The following PDZRN4 variants were observed in gnomAD, a reference collection of about 807,000 sequenced individuals.
The protein encoded by PDZRN4 is PDZ domain-containing RING finger protein 4.
Under a neutral mutation model 99.0 loss-of-function variants are expected in PDZRN4, and 70 were observed. That is an observed-to-expected ratio of 0.71 (90% confidence interval 0.58 to 0.86). The LOEUF (loss-of-function observed/expected upper bound fraction) is 0.86, where lower values mean the gene tolerates loss of function less well. PDZRN4 is among the 40% of genes least tolerant of loss of function. The pLI is 0.00. For missense variants in PDZRN4, 1,474 were observed against 1,331.2 expected (o/e 1.11, Z -1.67); for synonymous variants, 551 against 501.6 (o/e 1.10, Z -1.32).
At chr12:41,457,893 G>A (rs1952830026) in intron 3 of PDZRN4, among the ~76,000 whole-genome samples, 1 of 152,184 alleles carries the variant, frequency 6.6e-6, no homozygotes, top group Non-Finnish European at 1.5e-5. Context: ...CCAGAGGTGT[G>A]TAAGACAGGA....
intron 5 of PDZRN4, among the ~76,000 whole-genome samples, chr12:41,530,925 G>C (rs1002879754): frequency 5.3e-5 from 8 of 152,076 alleles, no homozygotes; most frequent in African/African-American, 1.9e-4. Flanking sequence ...GTGCCCTGCT[G>C]CTCAAACCCC....
At chr12:41,307,993 C>G (rs942090034) in intron 3 of PDZRN4, among the ~76,000 whole-genome samples, 7 of 151,958 alleles carry the variant, frequency 4.6e-5, no homozygotes, top group Admixed American at 6.6e-5. Flanking sequence ...TTCTCAAGTA[C>G]CTGCAGTTAT....
At chr12:41,265,416 A>G (rs557658182) in intron 3 of PDZRN4, among the ~76,000 whole-genome samples, 58 of 152,340 alleles carry the variant, frequency 3.8e-4, no homozygotes, top group Non-Finnish European at 6.5e-4. Context: ...AAGAATTAAT[A>G]TGTTGTGGAT....
At chr12:41,483,838 T>C (rs1361304841) in intron 3 of PDZRN4, among the ~76,000 whole-genome samples, 2 of 152,174 alleles carry the variant, frequency 1.3e-5, no homozygotes, top group African/African-American at 4.8e-5. Context: ...GTAGAAATTC[T>C]CTTTGGCTCA....
intron 3 of PDZRN4, among the ~76,000 whole-genome samples, chr12:41,408,555 C>T (rs1952366006): frequency 6.6e-6 from 1 of 152,122 alleles, no homozygotes; most frequent in Non-Finnish European, 1.5e-5. Context: ...CCCTAAAGAG[C>T]TATGCTGAAT....
intron 3 of PDZRN4, among the ~76,000 whole-genome samples, chr12:41,361,208 T>C (rs910308094): frequency 1.3e-5 from 2 of 152,058 alleles, no homozygotes; most frequent in Non-Finnish European, 2.9e-5. Context: ...CAAAAGTATA[T>C]AACAAAAGTA....
At chr12:41,453,865 CAG>C (rs1288546092) in intron 3 of PDZRN4, among the ~76,000 whole-genome samples, 2 of 137,460 alleles carry the variant, frequency 1.5e-5, no homozygotes, top group African/African-American at 5.3e-5. Flanking sequence ...GTTTACGAAA[CAG>C]AGTTTCCTGT....
intron 3 of PDZRN4, among the ~76,000 whole-genome samples, chr12:41,358,508 A>T (rs1951943373): frequency 6.6e-6 from 1 of 151,838 alleles, no homozygotes; most frequent in African/African-American, 2.4e-5. Flanking sequence ...TTTCCATTGT[A>T]TAGATGAAAT....
At chr12:41,458,420 G>A (rs984958949) in intron 3 of PDZRN4, among the ~76,000 whole-genome samples, 1 of 152,184 alleles carries the variant, frequency 6.6e-6, no homozygotes, top group African/African-American at 2.4e-5. Flanking sequence ...GCCTGCCAAA[G>A]TGCTGGAATT....
At chr12:41,484,924 A>T (rs1937745513) in intron 3 of PDZRN4, among the ~76,000 whole-genome samples, 1 of 151,544 alleles carries the variant, frequency 6.6e-6, no homozygotes, top group African/African-American at 2.4e-5. Context: ...TTAGATTGTA[A>T]CCTCCCTCTG....
intron 1 of PDZRN4, among the ~76,000 whole-genome samples, chr12:41,189,603 C>A (rs971205134): frequency 6.6e-6 from 1 of 152,162 alleles, no homozygotes; most frequent in African/African-American, 2.4e-5. Context: ...ATGACACTTG[C>A]GCTGCCACTG....
rs148128343 is a variant in PDZRN4, at chr12:41,532,010, G to A, written c.1204-20646G>A. 3.7e-3 allele frequency among the ~76,000 whole-genome samples: 554 copies of A among 151,614 alleles called. 5 individuals are homozygous for A. The highest frequency in any genetic ancestry group is 0.012 in the African/African-American group (491 of 41,334). On this transcript the variant is annotated intron_variant, in intron 5 of 9. Coordinates refer to ENST00000402685, the MANE Select transcript of PDZRN4 (RefSeq NM_001164595.2). Reference sequence around the variant, plus strand: ...TCTAGTCTAAAAAAATCTTTCTTTCGCAAAGAAAAAGTAGTTTCTATTTGT... The same window carrying A: ...TCTAGTCTAAAAAAATCTTTCTTTCACAAAGAAAAAGTAGTTTCTATTTGT...
At chr12:41,478,817 C>A (rs1342268924) in intron 3 of PDZRN4, among the ~76,000 whole-genome samples, 1 of 152,026 alleles carries the variant, frequency 6.6e-6, no homozygotes, top group Non-Finnish European at 1.5e-5. Context: ...AGGGAGTTCT[C>A]CTAGGAAAAA....
At chr12:41,369,089 A>G (rs957764098) in intron 3 of PDZRN4, among the ~76,000 whole-genome samples, 1 of 152,072 alleles carries the variant, frequency 6.6e-6, no homozygotes, top group Non-Finnish European at 1.5e-5. Flanking sequence ...AATTATTTTT[A>G]TGTGTCAAAC....
rs192102498 is a variant in PDZRN4, at chr12:41,212,533, C to T, written c.843+18345C>T. ...TGTGAAGAGTACATATTCTCTAATT[C>T]TCTTTTTTAAAATATTAATTTTATC... On this transcript the variant is annotated intron_variant, in intron 3 of 9. Transcript: ENST00000402685. 1.4e-4 allele frequency among the ~76,000 whole-genome samples: 21 copies of T among 152,078 alleles called. No individual in the cohort carries two copies. The East Asian group carries it at 3.7e-3, about 27-fold the overall frequency.
At chr12:41,283,907 T>G (rs1273463226) in intron 3 of PDZRN4, among the ~76,000 whole-genome samples, 1 of 152,216 alleles carries the variant, frequency 6.6e-6, no homozygotes, top group African/African-American at 2.4e-5. Flanking sequence ...AATATCATAC[T>G]GAATGGGCAA....
At chr12:41,484,706 A>T (rs1937741042) in intron 3 of PDZRN4, among the ~76,000 whole-genome samples, 1 of 152,172 alleles carries the variant, frequency 6.6e-6, no homozygotes, top group Non-Finnish European at 1.5e-5. Flanking sequence ...TGTTGCCCAG[A>T]TTTGCTGTAA....
At chr12:41,402,000 G>T (rs1304943951) in intron 3 of PDZRN4, among the ~76,000 whole-genome samples, 1 of 148,380 alleles carries the variant, frequency 6.7e-6, no homozygotes, top group Non-Finnish European at 1.5e-5. Flanking sequence ...CAGCATAAAA[G>T]CACCCTATGG....
chr12:41,202,157 A>T (rs1950820859), intron 3 of PDZRN4, among the ~76,000 whole-genome samples: 1 of 152,086 alleles, frequency 6.6e-6, no homozygotes, highest in Admixed American at 6.6e-5. Context: ...AGACCAAAAG[A>T]GCTGGAAGCT....
Sources: gnomAD v4.1 joint callset for allele counts (sites outside exome capture counted in the v4.1 genomes callset) on GRCh38, gnomAD v4.1.1 for gene constraint, MANE v1.5 for transcripts, NCBI Gene and HGNC (gene_info 2026-07-23, HGNC 2026-07-21) for gene names.